EFNA5: variants seen among roughly 807,000 people sequenced by gnomAD.
EFNA5 encodes the protein ephrin A5.
EFNA5 carries 5 observed loss-of-function variants against 22.9 expected under a neutral mutation model. The observed-to-expected ratio is 0.22, with a 90% CI of 0.11 to 0.46. The LOEUF is 0.46. EFNA5 is among the 20% of genes least tolerant of loss of function. The pLI, the probability that EFNA5 is intolerant of heterozygous loss-of-function variation, is 0.99. For synonymous variants in EFNA5, 113 were observed against 112.2 expected (o/e 1.01, Z -0.04); for missense variants, 237 against 293.3 (o/e 0.81, Z 1.40).
chr5:107,498,998 C>T (rs911471358), intron 1 of EFNA5, among the ~76,000 whole-genome samples: 3 of 58,336 alleles, frequency 5.1e-5, no homozygotes, highest in Non-Finnish European at 9.8e-5. Context: ...GTATGTGTAT[C>T]AGCCAAAGGA....
At chr5:107,399,605 A>G (rs1307893149) in intron 2 of EFNA5, among the ~76,000 whole-genome samples, 1 of 152,174 alleles carries the variant, frequency 6.6e-6, no homozygotes, top group Non-Finnish European at 1.5e-5. Context: ...GCTCTGGACA[A>G]TCATGATCAC....
intron 2 of EFNA5, among the ~76,000 whole-genome samples, chr5:107,394,553 C>T (rs1186029301): frequency 6.6e-6 from 1 of 152,128 alleles, no homozygotes; most frequent in Non-Finnish European, 1.5e-5. Flanking sequence ...TTAGAGTAAA[C>T]TTCAGGACAA....
At chr5:107,500,366 T>G (rs1267439509) in intron 1 of EFNA5, among the ~76,000 whole-genome samples, 1 of 152,264 alleles carries the variant, frequency 6.6e-6, no homozygotes, top group Non-Finnish European at 1.5e-5. Flanking sequence ...GCTCTGCATT[T>G]CTTCTTTCTG....
At chr5:107,407,259 G>A (rs996708620) in intron 2 of EFNA5, among the ~76,000 whole-genome samples, 3 of 152,128 alleles carry the variant, frequency 2.0e-5, no homozygotes, top group Non-Finnish European at 4.4e-5. Context: ...AGCAGCAGCA[G>A]CCCTGATTAG....
At chr5:107,534,602 T>C (rs190093077) in intron 1 of EFNA5, among the ~76,000 whole-genome samples, 1 of 152,356 alleles carries the variant, frequency 6.6e-6, no homozygotes, top group African/African-American at 2.4e-5. Flanking sequence ...CTCTAGCTGT[T>C]TGTACACATA....
In EFNA5 at chr5:107,599,996, G is replaced by GA. The variant is rs1749560618; in HGVS notation, c.125+70492dup. Among the ~76,000 whole-genome samples the GA allele has an allele frequency of 3.3e-5, 5 of 152,224 alleles. No homozygotes were observed. In the South Asian group the frequency reaches 1.0e-3, roughly 31 times the overall value. Reference sequence around the variant, plus strand: ...AATACCTTCCAAACTCAGTAAAAAGGAATGTGAAGTAGACAGATTCAAGAA... The same window carrying GA: ...AATACCTTCCAAACTCAGTAAAAAGGAAATGTGAAGTAGACAGATTCAAGAA... On this transcript the variant is annotated intron_variant, in intron 1 of 4. Transcript: ENST00000333274.
intron 1 of EFNA5, among the ~76,000 whole-genome samples, chr5:107,534,359 T>G (rs1457765784): frequency 6.6e-6 from 1 of 152,204 alleles, no homozygotes; most frequent in Non-Finnish European, 1.5e-5. Flanking sequence ...ACACATGAGC[T>G]AAGAGAAAGC....
rs1750011140 is a variant in EFNA5 at position 107,467,202 on chromosome 5, C to T, written c.126-39693G>A. 2.0e-5 allele frequency among the ~76,000 whole-genome samples: 3 copies of T among 149,836 alleles called. No individual in the cohort carries two copies. The South Asian group carries it at 6.2e-4, about 31-fold the overall frequency. On this transcript the variant is annotated intron_variant, in intron 1 of 4. Transcript: ENST00000333274. ...TCAAATCTCATCACTTAGGGCAGTACTTTCAAAGTGAATACCTAGACCTTT... is the reference window on the plus strand; with the variant it reads ...TCAAATCTCATCACTTAGGGCAGTATTTTCAAAGTGAATACCTAGACCTTT...
rs936745240 is a variant in EFNA5 at position 107,387,398 on chromosome 5, C to T, written c.485-83G>A. 7 of 873,732 alleles carry T rather than the reference C, an allele frequency of 8.0e-6. No individual in the cohort carries two copies. The Admixed American group carries it at 1.4e-4, about 18-fold the overall frequency. 54.1% of individuals were successfully genotyped at this position (873,732 alleles called of 1,614,324 possible). ...CATTTCTTTCTTTTTTCTTTCTCTCCTTTTTTTCTTTTTTTATGTAGATTG... is the reference window on the plus strand; with the variant it reads ...CATTTCTTTCTTTTTTCTTTCTCTCTTTTTTTTCTTTTTTTATGTAGATTG... On this transcript the variant is annotated intron_variant, in intron 3 of 4. Transcript: ENST00000333274.
intron 1 of EFNA5, among the ~76,000 whole-genome samples, chr5:107,666,319 G>GA (rs942777632): frequency 5.9e-5 from 9 of 151,478 alleles, no homozygotes; most frequent in African/African-American, 9.7e-5. Context: ...ATATGATTAG[G>GA]AAAAAAAAAA....
intron 2 of EFNA5, among the ~76,000 whole-genome samples, chr5:107,399,179 T>C (rs1294495285): frequency 1.3e-5 from 2 of 151,768 alleles, no homozygotes; most frequent in African/African-American, 4.8e-5. Flanking sequence ...AGGCCAGGCG[T>C]GGTGGCTCAC....
intron 1 of EFNA5, among the ~76,000 whole-genome samples, chr5:107,520,541 G>C (rs189015008): frequency 2.0e-5 from 3 of 152,220 alleles, no homozygotes; most frequent in Non-Finnish European, 2.9e-5. Flanking sequence ...GTGTCTAGGT[G>C]AGTCCAAATT....
chr5:107,641,429 T>G (rs563919198), intron 1 of EFNA5, among the ~76,000 whole-genome samples: 6 of 151,830 alleles, frequency 4.0e-5, no homozygotes, highest in Non-Finnish European at 8.8e-5. Context: ...TCGGAGAAAA[T>G]GAGTAATCAT....
intron 1 of EFNA5, among the ~76,000 whole-genome samples, chr5:107,553,538 T>C (rs1748344838): frequency 6.6e-6 from 1 of 152,100 alleles, no homozygotes; most frequent in Admixed American, 6.5e-5. Context: ...CTCCCCGAGG[T>C]GTAGTTGTTT....
At chr5:107,419,758 C>G (rs1019196844) in intron 2 of EFNA5, among the ~76,000 whole-genome samples, 1 of 152,178 alleles carries the variant, frequency 6.6e-6, no homozygotes, top group African/African-American at 2.4e-5. Flanking sequence ...TCCTACAGAA[C>G]ATTTCAGTTA....
chr5:107,572,514 C>T (rs1748835831), intron 1 of EFNA5, among the ~76,000 whole-genome samples: 1 of 152,206 alleles, frequency 6.6e-6, no homozygotes, highest in Non-Finnish European at 1.5e-5. Flanking sequence ...TGAAAAGATT[C>T]TTAAGTCATT....
intron 1 of EFNA5, among the ~76,000 whole-genome samples, chr5:107,490,127 TC>T (rs1184106282): frequency 6.6e-6 from 1 of 152,206 alleles, no homozygotes; most frequent in African/African-American, 2.4e-5. Context: ...ATTATGTTAT[TC>T]CTTGATGCCT....
intron 1 of EFNA5, among the ~76,000 whole-genome samples, chr5:107,512,801 A>G (rs981057682): frequency 2.0e-5 from 3 of 152,116 alleles, no homozygotes; most frequent in Non-Finnish European, 4.4e-5. Flanking sequence ...TTCATTGTGC[A>G]CTACCTCACC....
chr5:107,587,763 C>A (rs1019994270), intron 1 of EFNA5, among the ~76,000 whole-genome samples: 9 of 152,178 alleles, frequency 5.9e-5, no homozygotes, highest in African/African-American at 1.9e-4. Context: ...GTGATCCGCC[C>A]GCCTCGGCCT....
Sources: gnomAD v4.1 joint callset for allele counts (sites outside exome capture counted in the v4.1 genomes callset) on GRCh38, gnomAD v4.1.1 for gene constraint, MANE v1.5 for transcripts, NCBI Gene and HGNC (gene_info 2026-07-23, HGNC 2026-07-21) for gene names.